The following CFAP54 variants were observed in gnomAD, a reference collection of about 807,000 sequenced individuals.
CFAP54 encodes the protein cilia and flagella associated protein 54.
Under a neutral mutation model 370.4 loss-of-function variants are expected in CFAP54, and 290 were observed. That is an observed-to-expected ratio of 0.78 (90% CI 0.71 to 0.86). The LOEUF is 0.86. Among genes scored for constraint, CFAP54 ranks in the 40% least tolerant of loss-of-function variants. The pLI, the probability that CFAP54 is intolerant of heterozygous loss-of-function variation, is 0.00. For missense variants in CFAP54, 3,399 were observed against 3,528.7 expected, an observed-to-expected ratio of 0.96 and a Z score of 0.93; for synonymous variants, 1,206 against 1,236.5, an observed-to-expected ratio of 0.98 and a Z score of 0.52.
chr12:96,501,439 C>G (rs574633336), intron 2 of CFAP54, among the ~76,000 whole-genome samples: 1 of 152,324 alleles, frequency 6.6e-6, no homozygotes, highest in East Asian at 1.9e-4. Flanking sequence ...TCCATACATA[C>G]CCTGTTTCTT....
chr12:96,544,136 A>G (rs1438517863), intron 14 of CFAP54, among the ~76,000 whole-genome samples: 1 of 152,100 alleles, frequency 6.6e-6, no homozygotes, highest in Non-Finnish European at 1.5e-5. Context: ...AACCTTCCCA[A>G]TAACATAAAC....
chr12:96,610,107 A>G (rs76937164), intron 26 of CFAP54, among the ~76,000 whole-genome samples: 8,898 of 152,354 alleles, frequency 0.058, 381 homozygotes, highest in Non-Finnish European at 0.094. Context: ...GTGATGGGCA[A>G]ACAGTTCGGT....
At chr12:96,791,994 C>T (rs369659228) in intron 62 of CFAP54, among the ~76,000 whole-genome samples, 11 of 151,908 alleles carry the variant, frequency 7.2e-5, no homozygotes, top group East Asian at 1.9e-4. Context: ...GGATTACAGG[C>T]GCACGCCACC....
intron 63 of CFAP54, among the ~76,000 whole-genome samples, chr12:96,804,839 A>G (rs905078445): frequency 1.3e-5 from 2 of 152,202 alleles, no homozygotes; most frequent in Non-Finnish European, 2.9e-5. Flanking sequence ...CTCACTTCAA[A>G]TTATGCTACA....
intron 34 of CFAP54, 76 bp downstream of exon 34, chr12:96,648,093 A>C: frequency 9.0e-7 from 1 of 1,107,264 alleles, no homozygotes; most frequent in Non-Finnish European, 1.2e-6. Context: ...ACACATACAC[A>C]TTGTGGACAC....
At chr12:96,584,067 A>G (rs181371316) in intron 22 of CFAP54, among the ~76,000 whole-genome samples, 5 of 152,288 alleles carry the variant, frequency 3.3e-5, no homozygotes, top group Admixed American at 3.3e-4. Flanking sequence ...TGAAGTTCAC[A>G]CGACTCCCAC....
intron 39 of CFAP54, among the ~76,000 whole-genome samples, chr12:96,677,975 G>A (rs1037024574): frequency 3.3e-4 from 50 of 152,114 alleles, no homozygotes; most frequent in African/African-American, 1.1e-3. Context: ...CTATTCTCGA[G>A]GCATCTCTGT....
At chr12:96,695,711 T>C (rs1957434111) in intron 45 of CFAP54, among the ~76,000 whole-genome samples, 1 of 152,232 alleles carries the variant, frequency 6.6e-6, no homozygotes, top group Non-Finnish European at 1.5e-5. Flanking sequence ...ACTATTGAAT[T>C]TAAAATCTGC....
At chr12:96,563,018 G>T (rs1046340448) in intron 17 of CFAP54, among the ~76,000 whole-genome samples, 3 of 152,148 alleles carry the variant, frequency 2.0e-5, no homozygotes, top group Admixed American at 2.0e-4. Context: ...GTTTCAAAAT[G>T]TAAATAGAAT....
At chr12:96,603,747 C>A (rs1254913603) in intron 26 of CFAP54, among the ~76,000 whole-genome samples, 1 of 152,252 alleles carries the variant, frequency 6.6e-6, no homozygotes, top group East Asian at 1.9e-4. Context: ...TTGATCGAAT[C>A]GGCTACTGAA....
At chr12:96,854,907 A>T (rs536608456) in intron 66 of CFAP54, among the ~76,000 whole-genome samples, 48 of 152,322 alleles carry the variant, frequency 3.2e-4, no homozygotes, top group African/African-American at 1.1e-3. Flanking sequence ...CTGAGGAATT[A>T]AGCCTGTATT....
intron 50 of CFAP54, among the ~76,000 whole-genome samples, chr12:96,724,112 T>C (rs936146239): frequency 5.9e-5 from 9 of 151,492 alleles, no homozygotes; most frequent in African/African-American, 2.2e-4. Flanking sequence ...TCTTTGCTAT[T>C]GTGAATAGTG....
chr12:96,771,600 C>T (rs970735410), intron 60 of CFAP54, among the ~76,000 whole-genome samples: 14 of 152,010 alleles, frequency 9.2e-5, no homozygotes, highest in African/African-American at 3.1e-4. Context: ...TGCAGTGAGC[C>T]GAGATAGCGC....
In CFAP54 at chr12:96,534,238, ATTTG is replaced by A. The variant is rs1249890506; in HGVS notation, c.1705+18_1705+21del. ...AAATTGCTGTTCATGGTAAGTATTT[ATTTG>A]TTTGTTCAAAAAATTTAGTTTGACG... On this transcript the variant is annotated intron_variant, in intron 11 of 67. Transcript: ENST00000524981. The A allele has an allele frequency of 5.1e-6, 7 of 1,371,944 alleles. No homozygotes were observed. In the South Asian group the frequency reaches 9.5e-5, roughly 19 times the overall value. 85.0% of individuals were successfully genotyped at this position (1,371,944 alleles called of 1,614,324 possible).
chr12:96,860,967 G>A lies in CFAP54; in HGVS notation c.*14+15G>A, dbSNP rs1592817980. 6.8e-7 allele frequency: 1 copy of A among 1,460,090 alleles called. No homozygotes were observed. Among genetic ancestry groups the A allele is most frequent in the East Asian group, 2.6e-5 (1 of 38,538 alleles). The allele number at this position is 1,460,090 out of a possible 1,614,324, so 90.4% of individuals were successfully genotyped here. A position where few individuals can be genotyped will look rare whatever the true frequency, so the allele number is the denominator to read the frequency against. ...TCCTATACACGGTAACCTTATACAG[G>A]ATTTAATTGTTGTTGTTTCTCTTCA... On this transcript the variant is annotated intron_variant, in intron 67 of 67. Coordinates refer to ENST00000524981, the MANE Select transcript of CFAP54 (RefSeq NM_001306084.2).
At chr12:96,518,732 A>C (rs1955268649) in intron 5 of CFAP54, among the ~76,000 whole-genome samples, 196 bp from the exon 6 acceptor site, 1 of 150,894 alleles carries the variant, frequency 6.6e-6, no homozygotes, top group Non-Finnish European at 1.5e-5. Context: ...GTCTTCCAAA[A>C]TGGCTTGAGA....
At chr12:96,575,757 A>G (rs1003893168) in intron 19 of CFAP54, among the ~76,000 whole-genome samples, 20 of 152,120 alleles carry the variant, frequency 1.3e-4, no homozygotes, top group African/African-American at 4.8e-4. Flanking sequence ...ATATTTGCCT[A>G]TGGTGTGAAG....
chr12:96,524,020 A>C (rs1430685576), intron 8 of CFAP54, among the ~76,000 whole-genome samples: 5 of 151,990 alleles, frequency 3.3e-5, no homozygotes, highest in Admixed American at 3.3e-4. Context: ...TTACCTTGGC[A>C]TATTTTGCAG....
At chr12:96,838,837 T>C (rs1959194855) in intron 66 of CFAP54, among the ~76,000 whole-genome samples, 1 of 152,192 alleles carries the variant, frequency 6.6e-6, no homozygotes, top group South Asian at 2.1e-4. Context: ...GGTTTTGTGT[T>C]TAAAATGGAT....
Sources: allele counts gnomAD v4.1 joint callset (sites outside exome capture counted in the v4.1 genomes callset), GRCh38; gene constraint gnomAD v4.1.1; transcripts MANE v1.5; gene names NCBI Gene and HGNC (gene_info 2026-07-23, HGNC 2026-07-21).